BIRC6: variants seen among roughly 807,000 people sequenced by gnomAD.
BIRC6 encodes dual E2 ubiquitin-conjugating enzyme/E3 ubiquitin-protein ligase BIRC6.
Under a neutral mutation model 503.3 loss-of-function variants are expected in BIRC6, and 98 were observed. That is an observed-to-expected ratio of 0.19 (90% CI 0.17 to 0.23). The LOEUF (loss-of-function observed/expected upper bound fraction) is 0.23. BIRC6 is among the 10% of genes least tolerant of loss of function. The probability of loss-of-function intolerance (pLI) is 1.00; values close to 1 mark genes in which losing one functional copy is unlikely to be tolerated. For missense variants in BIRC6, 5,360 were observed against 5,806.0 expected, an observed-to-expected ratio of 0.92 and a Z score of 2.50; for synonymous variants, 2,240 against 2,078.7, an observed-to-expected ratio of 1.08 and a Z score of -2.11.
intron 54 of BIRC6, 114 bp downstream of exon 54, chr2:32,513,268 T>C (rs976527531): frequency 7.1e-6 from 5 of 707,462 alleles, no homozygotes; most frequent in Non-Finnish European, 1.2e-5. Flanking sequence ...ATTTTGAAAG[T>C]AGCAAATATA....
At chr2:32,534,670 G>T (rs767131794) in intron 61 of BIRC6, among the ~76,000 whole-genome samples, 1 of 137,302 alleles carries the variant, frequency 7.3e-6, no homozygotes, top group Non-Finnish European at 1.5e-5. Context: ...GGCAGAGGCT[G>T]CAGTTAACCA....
At position 32,537,899 on chromosome 2, in the gene BIRC6, G is replaced by A. The variant is rs562217788; in HGVS notation, c.12292-5342G>A. Reference sequence around the variant, plus strand: ...GAGAATGGCCTGAACCCCAGAGGGCGGAGCCTGCAGTGAGCCAAGATCGCA... The same window carrying A: ...GAGAATGGCCTGAACCCCAGAGGGCAGAGCCTGCAGTGAGCCAAGATCGCA... On this transcript the variant is annotated intron_variant, in intron 61 of 73. Transcript: ENST00000421745. 1.1e-4 allele frequency among the ~76,000 whole-genome samples: 17 copies of A among 151,972 alleles called. No individual in the cohort carries two copies. The East Asian group carries it at 1.4e-3, about 12-fold the overall frequency.
At position 32,543,249 on chromosome 2, in the gene BIRC6, T is replaced by C. The variant is rs1213150741; in HGVS notation, c.12300T>C (p.Ala4100=). The change falls in exon 62 of 74, where the codon GCT becomes GCC. Residue 4100 remains alanine (A), a synonymous_variant. Transcript: ENST00000421745. ...CTTTTCTTTTTCTTTAGGTGAGTGC[T>C]CCAGTTGTAACATCTACCACTCAGG... ...LYPEVIQQVS[A]PVVTSTTQEK... is the part of the protein sequence containing the mutation. The C allele has an allele frequency of 1.9e-6, 3 of 1,613,364 alleles. No homozygotes were observed. The highest frequency in any genetic ancestry group is 2.5e-6 in the Non-Finnish European group (3 of 1,179,440).
intron 26 of BIRC6, among the ~76,000 whole-genome samples, chr2:32,465,908 A>G (rs1344070290): frequency 7.1e-6 from 1 of 141,118 alleles, no homozygotes. Flanking sequence ...GTCTTACAGT[A>G]TTTTCTGCCC....
rs905712302 is a variant in BIRC6 at position 32,503,122 on chromosome 2, A to G, written c.9385A>G (p.Ile3129Val). 4.3e-6 allele frequency: 7 copies of G among 1,611,704 alleles called. No individual in the cohort carries two copies. Among genetic ancestry groups the G allele is most frequent in the Admixed American group, 1.7e-5 (1 of 59,748 alleles). The part of the protein sequence containing the change: ...VNTARSMVST[I>V]MKFLDSGPNK... ...CACTGCAAGAAGTATGGTATCAACT[A>G]TTATGAAATTTCTTGACTCTGGTCC... is the stretch of plus-strand genomic sequence containing the variant. Residue 3129 changes from isoleucine (I) to valine (V), a missense_variant, in exon 49 of 74, where the codon ATT becomes GTT. By Grantham distance (29) the Ile-to-Val change is conservative. Around this residue, in one of 16 missense-constraint regions of BIRC6, gnomAD observed 267 missense variants for 287.6 expected, o/e 0.93. Transcript: ENST00000421745.
chr2:32,376,203 A>T (rs1010565730), intron 1 of BIRC6, among the ~76,000 whole-genome samples: 2 of 139,342 alleles, frequency 1.4e-5, no homozygotes, highest in African/African-American at 5.4e-5. Context: ...AAAAAAAAAA[A>T]GGAAAATACA....
intron 64 of BIRC6, among the ~76,000 whole-genome samples, chr2:32,548,303 G>T (rs1340242828): frequency 5.2e-5 from 6 of 114,490 alleles, no homozygotes; most frequent in Non-Finnish European, 1.1e-4. Context: ...TGTTTAATGT[G>T]TTGTATCTGG....
At chr2:32,488,512 A>C (rs1033049408) in intron 41 of BIRC6, 76 bp from the exon 42 acceptor site, 2 of 1,260,468 alleles carry the variant, frequency 1.6e-6, no homozygotes, top group South Asian at 3.2e-5. Context: ...GAATTTAAAC[A>C]TAAGATTTTT....
chr2:32,479,385 G>A, intron 36 of BIRC6, 77 bp from the exon 37 acceptor site: 1 of 1,380,840 alleles, frequency 7.2e-7, no homozygotes, highest in South Asian at 1.3e-5. Context: ...TGACTAAACT[G>A]GAGGAAAAAA....
intron 30 of BIRC6, 93 bp from the exon 31 acceptor site, chr2:32,470,075 C>G: frequency 2.8e-6 from 3 of 1,090,790 alleles, no homozygotes; most frequent in Non-Finnish European, 3.7e-6. Context: ...AATATTCTAT[C>G]ATTACTCTGT....
chr2:32,611,644 C>A, intron 73 of BIRC6, 62 bp downstream of exon 73: 1 of 1,381,506 alleles, frequency 7.2e-7, no homozygotes, highest in Non-Finnish European at 9.6e-7. Flanking sequence ...ATTGACAGAA[C>A]CATGCCTACC....
chr2:32,377,435 C>G (rs1392456424), intron 1 of BIRC6, among the ~76,000 whole-genome samples, 153 bp from the exon 2 acceptor site: 1 of 152,034 alleles, frequency 6.6e-6, no homozygotes, highest in Non-Finnish European at 1.5e-5. Flanking sequence ...TGAATTTAAT[C>G]CAGTTGGCCC....
intron 27 of BIRC6, 69 bp downstream of exon 27, chr2:32,467,808 A>G (rs2048715258): frequency 6.9e-7 from 1 of 1,454,670 alleles, no homozygotes; most frequent in African/African-American, 1.4e-5. Context: ...AAATGAATAT[A>G]TAATTAAAAA....
chr2:32,418,706 T>A (rs1574070464), intron 10 of BIRC6, among the ~76,000 whole-genome samples: 2 of 152,216 alleles, frequency 1.3e-5, no homozygotes, highest in Non-Finnish European at 2.9e-5. Flanking sequence ...TTCAATTATT[T>A]GATGAGCTAT....
intron 9 of BIRC6, among the ~76,000 whole-genome samples, chr2:32,412,513 AAAG>A (rs774157678): frequency 2.0e-5 from 3 of 152,116 alleles, no homozygotes; most frequent in Non-Finnish European, 4.4e-5. Context: ...AAACAAAAAA[AAAG>A]AAAAGAATAA....
chr2:32,521,298 G>T, intron 57 of BIRC6, among the ~76,000 whole-genome samples: 1 of 119,342 alleles, frequency 8.4e-6, no homozygotes. Context: ...TTGAGATGGA[G>T]TCTTTCTCTG....
intron 53 of BIRC6, among the ~76,000 whole-genome samples, chr2:32,510,981 T>C (rs753111454): frequency 5.9e-5 from 9 of 152,198 alleles, no homozygotes; most frequent in Non-Finnish European, 8.8e-5. Flanking sequence ...GGTAGTACTT[T>C]ATATGTGTAT....
At chr2:32,514,691 A>T (rs1004538677) in intron 54 of BIRC6, among the ~76,000 whole-genome samples, 1 of 152,008 alleles carries the variant, frequency 6.6e-6, no homozygotes, top group African/African-American at 2.4e-5. Context: ...TTGTTTCTCT[A>T]CATGACCTTT....
intron 23 of BIRC6, among the ~76,000 whole-genome samples, chr2:32,459,003 C>T (rs774068613): frequency 3.3e-5 from 5 of 151,920 alleles, no homozygotes; most frequent in African/African-American, 4.8e-5. Flanking sequence ...ATTGTCTTAG[C>T]GTAACAATAG....
Sources: allele counts gnomAD v4.1 joint callset (sites outside exome capture counted in the v4.1 genomes callset), GRCh38; gene constraint gnomAD v4.1.1; regional missense constraint gnomAD v4.1.1; transcripts MANE v1.5; gene names NCBI Gene and HGNC (gene_info 2026-07-23, HGNC 2026-07-21).